Variants in SLCO2A1 observed in about 807,000 individuals in gnomAD.
SLCO2A1 encodes solute carrier organic anion transporter family member 2A1, also known as matrin F/G 1.
Under a neutral mutation model 71.7 loss-of-function variants are expected in SLCO2A1, and 60 were observed. The observed-to-expected ratio is 0.84, with a 90% confidence interval of 0.68 to 1.04. SLCO2A1 has a LOEUF of 1.04. SLCO2A1 is among the 50% of genes least tolerant of loss of function. The pLI is 0.00. For missense variants in SLCO2A1, 745 were observed against 813.4 expected (o/e 0.92, Z 1.02); for synonymous variants, 308 against 326.7 (o/e 0.94, Z 0.62).
chr3:133,964,223 G>C (rs13083175), intron 3 of SLCO2A1, among the ~76,000 whole-genome samples: 76,965 of 151,964 alleles, frequency 0.51, 19,571 homozygotes, highest in South Asian at 0.57. Context: ...CCAGACAGAT[G>C]AGGTTCCAAT....
At chr3:133,942,404 G>A in intron 11 of SLCO2A1, 1 of 573,220 alleles carries the variant, frequency 1.7e-6, no homozygotes, top group Non-Finnish European at 3.0e-6. Context: ...TCAGCACAGA[G>A]CCTCCCTGGG....
At chr3:134,022,904 C>T (rs531442589) in intron 1 of SLCO2A1, among the ~76,000 whole-genome samples, 1 of 152,172 alleles carries the variant, frequency 6.6e-6, no homozygotes, top group South Asian at 2.1e-4. Flanking sequence ...AACAAAAGGT[C>T]GATGTCTTAA....
chr3:133,950,428 T>C (rs900274527), intron 6 of SLCO2A1, among the ~76,000 whole-genome samples: 1 of 152,206 alleles, frequency 6.6e-6, no homozygotes, highest in Middle Eastern at 3.2e-3. Flanking sequence ...ACCCTAGGAA[T>C]GTCTATCCTT....
intron 1 of SLCO2A1, among the ~76,000 whole-genome samples, chr3:134,003,296 A>T (rs988462467): frequency 1.3e-5 from 2 of 152,188 alleles, no homozygotes; most frequent in African/African-American, 4.8e-5. Context: ...TTTCCAGCAC[A>T]TGGGTGGATT....
chr3:134,024,375 A>C (rs1266662938), intron 1 of SLCO2A1, among the ~76,000 whole-genome samples: 1 of 152,272 alleles, frequency 6.6e-6, no homozygotes, highest in Non-Finnish European at 1.5e-5. Flanking sequence ...ATTTGAGTCA[A>C]TATTTTTGTG....
intron 1 of SLCO2A1, among the ~76,000 whole-genome samples, chr3:134,000,623 C>G (rs1033231410): frequency 2.0e-5 from 3 of 152,168 alleles, no homozygotes; most frequent in African/African-American, 7.2e-5. Flanking sequence ...AAGGCAGCCT[C>G]ACTTCTGTCA....
intron 1 of SLCO2A1, among the ~76,000 whole-genome samples, chr3:134,017,968 G>A (rs950356955): frequency 5.9e-5 from 9 of 152,160 alleles, no homozygotes; most frequent in African/African-American, 2.2e-4. Flanking sequence ...GAGGTGAGGT[G>A]AAATGAGCTA....
At chr3:133,983,718 C>T (rs566181560) in intron 1 of SLCO2A1, among the ~76,000 whole-genome samples, 1 of 152,322 alleles carries the variant, frequency 6.6e-6, no homozygotes, top group African/African-American at 2.4e-5. Context: ...TCTAAAAATC[C>T]CAGCACCCTG....
chr3:133,977,274 G>A (rs1934482870), intron 2 of SLCO2A1, among the ~76,000 whole-genome samples: 1 of 152,178 alleles, frequency 6.6e-6, no homozygotes, highest in African/African-American at 2.4e-5. Context: ...TTCTTGAAAA[G>A]TTCATCTGAG....
Position 133,938,611 on chromosome 3 carries a change from C to T in SLCO2A1, c.1626-118G>A, listed in dbSNP as rs558026541. The T allele has an allele frequency of 1.9e-4, 164 of 872,694 alleles. No individual in the cohort carries two copies. The African/African-American group carries it at 2.4e-3, about 13-fold the overall frequency. The allele number at this position is 872,694 out of a possible 1,614,324, so 54.1% of individuals were successfully genotyped here. A position where few individuals can be genotyped will look rare whatever the true frequency, so the allele number is the denominator to read the frequency against. ...CAGCCCTGATGTGGCCTGACGAGCC[C>T]TCTGGTGACCGGGTTCACCTGGGCT... On this transcript the variant is annotated intron_variant, in intron 11 of 13. Transcript: ENST00000310926.
chr3:134,000,578 G>A (rs932931279), intron 1 of SLCO2A1, among the ~76,000 whole-genome samples: 3 of 152,182 alleles, frequency 2.0e-5, no homozygotes, highest in East Asian at 1.9e-4. Context: ...TTTAGCCTAC[G>A]GAAACTCTAA....
intron 1 of SLCO2A1, among the ~76,000 whole-genome samples, chr3:134,022,734 G>C (rs866509688): frequency 1.3e-5 from 2 of 152,188 alleles, no homozygotes; most frequent in South Asian, 4.1e-4. Flanking sequence ...GTAAAATTTA[G>C]CTTATCTGGT....
intron 1 of SLCO2A1, among the ~76,000 whole-genome samples, chr3:134,006,194 C>T (rs966044357): frequency 1.6e-4 from 25 of 152,212 alleles, no homozygotes; most frequent in Admixed American, 4.6e-4. Flanking sequence ...TGCTACCATG[C>T]CTGGCTAATT....
chr3:133,967,901 C>T (rs575146906), intron 3 of SLCO2A1, among the ~76,000 whole-genome samples: 4 of 93,610 alleles, frequency 4.3e-5, no homozygotes, highest in African/African-American at 1.2e-4. Context: ...ACACTTCCCC[C>T]GACATGTACC....
At position 133,991,165 on chromosome 3, in the gene SLCO2A1, T is replaced by C. The variant is rs1380868945; in HGVS notation, c.97-11547A>G. 2.6e-5 allele frequency among the ~76,000 whole-genome samples: 4 copies of C among 151,478 alleles called. No individual in the cohort carries two copies. In the East Asian group the frequency reaches 5.8e-4, roughly 22 times the overall value. ...AAACAAAACTGCAGGCATCTGAAGGTGGGCAGGCTTCTAGGTTGGCTCCTC... is the reference window on the plus strand; with the variant it reads ...AAACAAAACTGCAGGCATCTGAAGGCGGGCAGGCTTCTAGGTTGGCTCCTC... On this transcript the variant is annotated intron_variant, in intron 1 of 13. Transcript: ENST00000310926.
chr3:134,020,994 C>T (rs529122134), intron 1 of SLCO2A1, among the ~76,000 whole-genome samples: 14 of 152,250 alleles, frequency 9.2e-5, no homozygotes, highest in East Asian at 1.9e-4. Flanking sequence ...TGAGTGGAAG[C>T]GTGGCCTCAT....
intron 1 of SLCO2A1, among the ~76,000 whole-genome samples, chr3:133,983,335 G>A (rs1934637874): frequency 6.6e-6 from 1 of 152,200 alleles, no homozygotes; most frequent in Admixed American, 6.5e-5. Context: ...TCAACCACCA[G>A]ACATGTTACT....
At chr3:133,995,382 C>T (rs1033761355) in intron 1 of SLCO2A1, among the ~76,000 whole-genome samples, 2 of 152,192 alleles carry the variant, frequency 1.3e-5, no homozygotes, top group African/African-American at 2.4e-5. Flanking sequence ...TCCCCACCAC[C>T]GTGGCTGCCT....
intron 3 of SLCO2A1, among the ~76,000 whole-genome samples, chr3:133,955,915 C>T (rs964873215): frequency 3.3e-5 from 5 of 152,212 alleles, no homozygotes; most frequent in Admixed American, 3.3e-4. Context: ...TTCTCGAAGC[C>T]CTTCTGTGAG....
Sources: gnomAD v4.1 joint callset for allele counts (sites outside exome capture counted in the v4.1 genomes callset) on GRCh38, gnomAD v4.1.1 for gene constraint, MANE v1.5 for transcripts, NCBI Gene and HGNC (gene_info 2026-07-23, HGNC 2026-07-21) for gene names.